EPHA5: variants seen among roughly 807,000 people sequenced by gnomAD.
The protein encoded by EPHA5 is EPH receptor A5.
In EPHA5, 60 loss-of-function variants were observed where a neutral mutation model predicts 105.0. That is an observed-to-expected ratio of 0.57 (90% confidence interval 0.46 to 0.71). The LOEUF is 0.71. EPHA5 is among the 30% of genes least tolerant of loss of function. The pLI, the probability that EPHA5 is intolerant of heterozygous loss-of-function variation, is 0.00. For missense variants in EPHA5, 1,218 were observed against 1,274.7 expected (o/e 0.96, Z 0.68); for synonymous variants, 513 against 449.1 (o/e 1.14, Z -1.80).
intron 8 of EPHA5, among the ~76,000 whole-genome samples, chr4:65,391,344 T>C (rs2148956282): frequency 6.6e-6 from 1 of 152,254 alleles, no homozygotes; most frequent in East Asian, 1.9e-4. Flanking sequence ...TAATAAAGAA[T>C]TCAGCTGCTT....
chr4:65,376,443 A>G (rs1387587247), intron 8 of EPHA5, among the ~76,000 whole-genome samples: 1 of 151,988 alleles, frequency 6.6e-6, no homozygotes, highest in Non-Finnish European at 1.5e-5. Flanking sequence ...CATATTTTCT[A>G]CTTCATTGGC....
intron 3 of EPHA5, among the ~76,000 whole-genome samples, chr4:65,525,359 C>A (rs530162621): frequency 2.6e-3 from 397 of 151,778 alleles, no homozygotes; most frequent in African/African-American, 9.0e-3. Context: ...GAAATGATAA[C>A]AAAATTTTTA....
intron 7 of EPHA5, 150 bp downstream of exon 7, chr4:65,414,134 T>C: frequency 1.5e-6 from 1 of 685,812 alleles, no homozygotes; most frequent in Non-Finnish European, 2.5e-6. Flanking sequence ...CATAATAGCA[T>C]GACAGATGCT....
chr4:65,501,269 G>T (rs1732462108), intron 3 of EPHA5, among the ~76,000 whole-genome samples: 1 of 151,312 alleles, frequency 6.6e-6, no homozygotes, highest in African/African-American at 2.4e-5. Context: ...GAGCAATTAG[G>T]CAAGAGAAAC....
At chr4:65,599,617 G>A (rs1367763437) in intron 3 of EPHA5, among the ~76,000 whole-genome samples, 1 of 152,004 alleles carries the variant, frequency 6.6e-6, no homozygotes, top group Non-Finnish European at 1.5e-5. Context: ...CATTCTCTGG[G>A]CTGTAGTAAA....
intron 8 of EPHA5, among the ~76,000 whole-genome samples, chr4:65,385,924 G>A (rs981671738): frequency 5.3e-5 from 8 of 151,748 alleles, no homozygotes; most frequent in African/African-American, 1.9e-4. Context: ...AGCCAACATA[G>A]ACAAAATAAT....
At chr4:65,542,375 A>G (rs2149323597) in intron 3 of EPHA5, among the ~76,000 whole-genome samples, 1 of 152,140 alleles carries the variant, frequency 6.6e-6, no homozygotes, top group South Asian at 2.1e-4. Context: ...GACACAATAA[A>G]AAATGATAAA....
intron 3 of EPHA5, among the ~76,000 whole-genome samples, chr4:65,598,391 A>G (rs1037015488): frequency 6.6e-6 from 1 of 152,184 alleles, no homozygotes; most frequent in Non-Finnish European, 1.5e-5. Flanking sequence ...GTGATATTTA[A>G]CATAGAATAA....
At chr4:65,394,424 T>G (rs947755971) in intron 8 of EPHA5, among the ~76,000 whole-genome samples, 2 of 152,136 alleles carry the variant, frequency 1.3e-5, no homozygotes, top group Admixed American at 6.6e-5. Flanking sequence ...TATACAACAG[T>G]TTATGTTCTG....
chr4:65,431,847 T>TACA (rs1725011322), intron 5 of EPHA5, among the ~76,000 whole-genome samples: 1 of 152,064 alleles, frequency 6.6e-6, no homozygotes, highest in Non-Finnish European at 1.5e-5. Context: ...TTTATCTTTG[T>TACA]ATCCTCTACA....
chr4:65,645,037 T>C (rs1747998808), intron 1 of EPHA5, among the ~76,000 whole-genome samples: 1 of 152,084 alleles, frequency 6.6e-6, no homozygotes, highest in African/African-American at 2.4e-5. Flanking sequence ...GTGATCTAAC[T>C]GAAAAACTAT....
chr4:65,507,646 A>T (rs10012337), intron 3 of EPHA5, among the ~76,000 whole-genome samples: 33,356 of 151,928 alleles, frequency 0.22, 4,527 homozygotes, highest in African/African-American at 0.38. Context: ...ATGGGAGTTC[A>T]CTCATGATTT....
intron 5 of EPHA5, among the ~76,000 whole-genome samples, chr4:65,424,182 T>C (rs1394433326): frequency 6.6e-6 from 1 of 151,980 alleles, no homozygotes; most frequent in Non-Finnish European, 1.5e-5. Context: ...TTGATAATGA[T>C]ATAATGTAGA....
At chr4:65,573,410 CAAAAA>C in intron 3 of EPHA5, 930 of 648,358 alleles carry the variant, frequency 1.4e-3, no homozygotes, top group Non-Finnish European at 1.4e-3. Context: ...GACTCCGTCT[CAAAAA>C]AAAAAAAAAA....
intron 2 of EPHA5, among the ~76,000 whole-genome samples, chr4:65,620,071 C>G (rs1456978629): frequency 1.4e-5 from 2 of 146,282 alleles, no homozygotes; most frequent in Non-Finnish European, 3.0e-5. Context: ...GGAATCTACA[C>G]CAAACTACAC....
chr4:65,463,339 G>A (rs1728302675), intron 5 of EPHA5, among the ~76,000 whole-genome samples: 3 of 152,100 alleles, frequency 2.0e-5, no homozygotes, highest in Admixed American at 2.0e-4. Context: ...CATGGAATTT[G>A]TGGTTTCTAT....
At chr4:65,527,583 T>C (rs1735360283) in intron 3 of EPHA5, among the ~76,000 whole-genome samples, 1 of 152,148 alleles carries the variant, frequency 6.6e-6, no homozygotes, top group South Asian at 2.1e-4. Flanking sequence ...TAGATCTATA[T>C]TTTCAACCAC....
chr4:65,588,949 C>G (rs923051071), intron 3 of EPHA5, among the ~76,000 whole-genome samples: 2 of 152,152 alleles, frequency 1.3e-5, no homozygotes, highest in African/African-American at 4.8e-5. Flanking sequence ...AGGATTATCT[C>G]TCATTGAAAT....
At chr4:65,650,029 T>A (rs1748454813) in intron 1 of EPHA5, among the ~76,000 whole-genome samples, 1 of 152,214 alleles carries the variant, frequency 6.6e-6, no homozygotes, top group South Asian at 2.1e-4. Context: ...CAAATGATAT[T>A]GATATTAACA....
Sources: allele counts gnomAD v4.1 joint callset (sites outside exome capture counted in the v4.1 genomes callset), GRCh38; gene constraint gnomAD v4.1.1; transcripts MANE v1.5; gene names NCBI Gene and HGNC (gene_info 2026-07-23, HGNC 2026-07-21).